Variants in EGFR observed in about 807,000 individuals in gnomAD.
EGFR encodes the protein epidermal growth factor receptor, also known as avian erythroblastic leukemia viral (v-erb-b) oncogene homolog.
In EGFR, 58 loss-of-function variants were observed where a neutral mutation model predicts 143.0. The observed-to-expected ratio is 0.41, with a 90% confidence interval of 0.33 to 0.50. The LOEUF (loss-of-function observed/expected upper bound fraction) is 0.50. Ranked by LOEUF, EGFR falls within the 20% of genes least tolerant of loss-of-function variation. The probability of loss-of-function intolerance (pLI) is 0.39; values close to 1 mark genes in which losing one functional copy is unlikely to be tolerated. For synonymous variants in EGFR, 613 were observed against 594.4 expected, an observed-to-expected ratio of 1.03 and a Z score of -0.45; for missense variants, 1,307 against 1,579.0, an observed-to-expected ratio of 0.83 and a Z score of 2.92.
intron 1 of EGFR, among the ~76,000 whole-genome samples, chr7:55,078,554 C>T (rs971360381): frequency 1.8e-4 from 27 of 152,210 alleles, no homozygotes; most frequent in Non-Finnish European, 3.4e-4. Context: ...GACTGACCTG[C>T]GTCCTTCCGC....
chr7:55,116,503 C>T (rs1381060004), intron 1 of EGFR, among the ~76,000 whole-genome samples: 1 of 151,586 alleles, frequency 6.6e-6, no homozygotes, highest in Non-Finnish European at 1.5e-5. Flanking sequence ...TTCAAGTAAA[C>T]TTTCAAGTAT....
intron 15 of EGFR, among the ~76,000 whole-genome samples, chr7:55,165,954 G>A (rs845545): frequency 1.4e-3 from 212 of 152,310 alleles, no homozygotes; most frequent in Non-Finnish European, 2.4e-3. Flanking sequence ...AAGGCAGGCA[G>A]ATCACTTGAG....
intron 1 of EGFR, among the ~76,000 whole-genome samples, chr7:55,085,240 A>G (rs758327610): frequency 3.3e-5 from 5 of 152,234 alleles, no homozygotes; most frequent in Non-Finnish European, 5.9e-5. Flanking sequence ...ACACATTGTC[A>G]GTGGTATCAT....
chr7:55,171,470 C>T (rs913514664), intron 16 of EGFR, among the ~76,000 whole-genome samples: 9 of 152,190 alleles, frequency 5.9e-5, no homozygotes, highest in East Asian at 5.8e-4. Flanking sequence ...CGCCGTTGCT[C>T]GATGCATGGC....
intron 1 of EGFR, among the ~76,000 whole-genome samples, chr7:55,139,245 G>A (rs912674025): frequency 3.3e-5 from 5 of 152,152 alleles, no homozygotes; most frequent in African/African-American, 1.2e-4. Context: ...ATGAGGAAGT[G>A]GCTAAACAAA....
At position 55,157,770 on chromosome 7, in the gene EGFR, C is replaced by A. The variant is rs1415751634; in HGVS notation, c.1298+17C>A. 6.2e-7 allele frequency: 1 copy of A among 1,612,832 alleles called. No homozygotes were observed. The highest frequency in any genetic ancestry group is 1.3e-5 in the African/African-American group (1 of 75,040). ...CAAGCAACAGTAAGTTGACCACAGC[C>A]AAAGCCTGGTAGATTACATTTGCCT... On this transcript the variant is annotated intron_variant, in intron 11 of 27. Transcript: ENST00000275493.
intron 15 of EGFR, chr7:55,170,168 C>T (rs999908344): frequency 7.5e-6 from 11 of 1,476,386 alleles, no homozygotes; most frequent in Non-Finnish European, 1.0e-5. Flanking sequence ...AGCACCCAGA[C>T]CCCCAAATTA....
intron 1 of EGFR, among the ~76,000 whole-genome samples, chr7:55,021,821 C>G (rs562469129): frequency 2.0e-4 from 31 of 152,338 alleles, no homozygotes; most frequent in Non-Finnish European, 3.7e-4. Flanking sequence ...GGTGCACACT[C>G]TCCTCCTATG....
intron 24 of EGFR, 47 bp downstream of exon 24, chr7:55,200,460 A>G (rs2128970129): frequency 1.9e-6 from 3 of 1,557,678 alleles, no homozygotes; most frequent in Non-Finnish European, 2.7e-6. Context: ...CCCTCTAATG[A>G]GCATCTCATG....
In EGFR at chr7:55,101,755, G is replaced by T. The variant is rs564012196; in HGVS notation, c.89-40531G>T. 4.7e-4 allele frequency among the ~76,000 whole-genome samples: 72 copies of T among 152,274 alleles called. 1 individual carries two copies. Among genetic ancestry groups the T allele is most frequent in the African/African-American group, 1.7e-3 (69 of 41,538 alleles). The stretch of plus-strand genomic sequence containing the variant: ...CTGTCTATATTTTTTCCTGAGATAG[G>T]TATTTATAATATCTCCATCTTCTTT... On this transcript the variant is annotated intron_variant, in intron 1 of 27. Coordinates refer to ENST00000275493, the MANE Select transcript of EGFR (RefSeq NM_005228.5).
chr7:55,172,517 G>C lies in EGFR; in HGVS notation c.1920-466G>C, dbSNP rs17337065. Reference sequence around the variant, plus strand: ...GCTCATCTTAAAAGCCAAGGACCCAGAGGAGTCTCAGCATTGCCAAAAAGT... The same window carrying C: ...GCTCATCTTAAAAGCCAAGGACCCACAGGAGTCTCAGCATTGCCAAAAAGT... On this transcript the variant is annotated intron_variant, in intron 16 of 27. Transcript: ENST00000275493. 2.8e-3 allele frequency among the ~76,000 whole-genome samples: 426 copies of C among 152,336 alleles called. 10 individuals are homozygous for C. Among genetic ancestry groups the C allele is most frequent in the Admixed American group, 0.023 (355 of 15,298 alleles).
intron 25 of EGFR, among the ~76,000 whole-genome samples, 175 bp from the exon 26 acceptor site, chr7:55,201,560 A>T (rs553097149): frequency 2.2e-4 from 33 of 152,338 alleles, no homozygotes; most frequent in African/African-American, 7.9e-4. Flanking sequence ...TTTTAGGTCC[A>T]CTATGGAATG....
chr7:55,157,089 G>T, intron 10 of EGFR: 1 of 846,396 alleles, frequency 1.2e-6, no homozygotes, highest in Non-Finnish European at 1.7e-6. Flanking sequence ...AGCTGCCTTG[G>T]TGGCCCATAA....
chr7:55,197,964 T>C (rs1787687749), intron 22 of EGFR, among the ~76,000 whole-genome samples: 1 of 152,238 alleles, frequency 6.6e-6, no homozygotes, highest in Non-Finnish European at 1.5e-5. Context: ...AGTTTTCTTT[T>C]TTTGTTGTAT....
At chr7:55,067,646 C>T (rs1293333238) in intron 1 of EGFR, among the ~76,000 whole-genome samples, 2 of 151,180 alleles carry the variant, frequency 1.3e-5, no homozygotes. Context: ...TAATTTTTTC[C>T]TGAGGGGAAA....
intron 1 of EGFR, among the ~76,000 whole-genome samples, chr7:55,087,303 A>G (rs865862000): frequency 4.6e-5 from 6 of 129,472 alleles, no homozygotes; most frequent in African/African-American, 1.6e-4. Context: ...AAAAACCTGT[A>G]CTCTGAGGAT....
intron 1 of EGFR, among the ~76,000 whole-genome samples, chr7:55,098,937 G>A (rs1179396457): frequency 1.3e-5 from 2 of 152,176 alleles, no homozygotes; most frequent in African/African-American, 2.4e-5. Flanking sequence ...GAAGCAGTGG[G>A]GAGTCAGACA....
intron 1 of EGFR, among the ~76,000 whole-genome samples, chr7:55,113,420 A>G (rs1272391406): frequency 6.6e-6 from 1 of 152,172 alleles, no homozygotes; most frequent in African/African-American, 2.4e-5. Flanking sequence ...CAGGTGAAAT[A>G]TACAGTTGAA....
chr7:55,147,437 T>C (rs1473671710), intron 4 of EGFR, among the ~76,000 whole-genome samples: 1 of 151,734 alleles, frequency 6.6e-6, no homozygotes, highest in Non-Finnish European at 1.5e-5. Flanking sequence ...GAGTAAGAAG[T>C]GATCACCATT....
Sources: allele counts gnomAD v4.1 joint callset (sites outside exome capture counted in the v4.1 genomes callset), GRCh38; gene constraint gnomAD v4.1.1; transcripts MANE v1.5; gene names NCBI Gene and HGNC (gene_info 2026-07-23, HGNC 2026-07-21).